ERICH6: variants seen among roughly 807,000 people sequenced by gnomAD.
The protein encoded by ERICH6 is glutamate-rich protein 6.
ERICH6 carries 71 observed loss-of-function variants against 71.0 expected under a neutral mutation model. The ratio of observed to expected loss-of-function variants is 1.00; its 90% CI spans 0.83 to 1.22. ERICH6 has a LOEUF of 1.22. ERICH6 is among the 50% of genes most tolerant of loss of function. ERICH6 has a pLI of 0.00. For missense variants in ERICH6, 808 were observed against 797.2 expected (o/e 1.01, Z -0.16); for synonymous variants, 262 against 278.4 (o/e 0.94, Z 0.59).
intron 7 of ERICH6, among the ~76,000 whole-genome samples, chr3:150,681,471 A>G (rs924113200): frequency 6.6e-6 from 1 of 152,142 alleles, no homozygotes; most frequent in Non-Finnish European, 1.5e-5. Flanking sequence ...GGTTGTTTCT[A>G]TATTTTGGCT....
Position 150,682,252 on chromosome 3 carries a change from G to A in ERICH6, c.848C>T (p.Ser283Phe). 1 of 1,613,772 alleles carries A rather than the reference G, an allele frequency of 6.2e-7. No individual in the cohort carries two copies. The highest frequency in any genetic ancestry group is 8.5e-7 in the Non-Finnish European group (1 of 1,179,972). The stretch of plus-strand genomic sequence containing the variant: ...TGGTTCAGAGGAAACATCCACATTA[G>A]AAAAAAATGCTCTTAGATCGCTGCC... The part of the protein sequence containing the change: ...FCGSDLRAFF[S>F]NVDVSSEPKG... Residue 283 changes from serine (S) to phenylalanine (F), a missense_variant, in exon 7 of 14, where the codon TCT becomes TTT. This residue lies in a region of ERICH6 where 736 missense variants were observed against 712.2 expected (regional missense o/e 1.03). Coordinates refer to ENST00000295910, the MANE Select transcript of ERICH6 (RefSeq NM_152394.5).
Position 150,680,918 on chromosome 3 carries a change from T to A in ERICH6, c.895A>T (p.Ile299Phe), listed in dbSNP as rs758713173. Residue 299 changes from isoleucine (I) to phenylalanine (F), a missense_variant, in exon 8 of 14, where the codon ATT (isoleucine) becomes TTT (phenylalanine). Ile to Phe is a conservative substitution (Grantham distance 21). Transcript: ENST00000295910. ...SEPKGHASCC[I>F]AFQNLIDYIY... is the part of the protein sequence containing the mutation. ...TAGTCAATCAGATTTTGGAAAGCAA[T>A]ACAACAGGAGGCCTGGAAAACACAG... 4 of 1,610,850 alleles carry A rather than the reference T, an allele frequency of 2.5e-6. No homozygotes were observed. Among genetic ancestry groups the A allele is most frequent in the Non-Finnish European group, 3.4e-6 (4 of 1,178,810 alleles).
At position 150,660,122 on chromosome 3, in the gene ERICH6, A is replaced by G. The variant is rs1445975990; in HGVS notation, c.1762T>C (p.Tyr588His). ...PNPEEIPILRYVSGDDLLLLA... is the reference protein window; with the variant it reads ...PNPEEIPILRHVSGDDLLLLA... ...AGAAGAAGGTCATCTCCACTTACGT[A>G]TCGGAGGATTGGAATCTCCTCAGGG... Residue 588 changes from tyrosine (Y) to histidine (H), a missense_variant, in exon 14 of 14, where the codon TAC becomes CAC. Coordinates refer to ENST00000295910, the MANE Select transcript of ERICH6 (RefSeq NM_152394.5). The G allele has an allele frequency of 1.9e-6, 3 of 1,613,918 alleles. No individual in the cohort carries two copies. Among genetic ancestry groups the G allele is most frequent in the Non-Finnish European group, 2.5e-6 (3 of 1,179,964 alleles).
Position 150,660,001 on chromosome 3 carries a change from G to T in ERICH6, c.1883C>A (p.Pro628His). ...SSQVWEKLKQ[P>H]SYLSSLSLKL... is the part of the protein sequence containing the mutation. The stretch of plus-strand genomic sequence containing the variant: ...TAGAGAAAGTGAAGAAAGGTAGGAA[G>T]GTTGCTTTAATTTTTCCCAAACCTG... The change falls in exon 14 of 14, where the codon CCT (proline) becomes CAT (histidine). Residue 628 changes from proline (P) to histidine (H), a missense_variant. Pro to His is a moderately conservative substitution (Grantham distance 77, BLOSUM62 -2). Transcript: ENST00000295910. 1.2e-6 allele frequency: 2 copies of T among 1,614,148 alleles called. No individual in the cohort carries two copies. The highest frequency in any genetic ancestry group is 1.7e-6 in the Non-Finnish European group (2 of 1,180,034).
At chr3:150,679,019 G>A (rs867817626) in intron 9 of ERICH6, among the ~76,000 whole-genome samples, 1 of 120,204 alleles carries the variant, frequency 8.3e-6, no homozygotes, top group Non-Finnish European at 1.6e-5. Context: ...CTGGGTGACA[G>A]AGCAAGACTC....
rs369200921 is a variant in ERICH6, at chr3:150,698,926, T to C, written c.462-44A>G. ...TGTTTTGAGTATACCTATATAGTTG[T>C]TAGCAGGTCTTCTAAACATCGAACA... On this transcript the variant is annotated intron_variant, in intron 2 of 13. Transcript: ENST00000295910. 1.1e-5 allele frequency: 14 copies of C among 1,228,482 alleles called. No individual in the cohort carries two copies. The African/African-American group carries it at 1.5e-4, about 13-fold the overall frequency. 76.1% of individuals were successfully genotyped at this position (1,228,482 alleles called of 1,614,324 possible). A position where few individuals can be genotyped will look rare whatever the true frequency, so the allele number is the denominator to read the frequency against.
At chr3:150,663,661 A>G (rs1308964280) in intron 13 of ERICH6, among the ~76,000 whole-genome samples, 1 of 152,142 alleles carries the variant, frequency 6.6e-6, no homozygotes, top group Non-Finnish European at 1.5e-5. Flanking sequence ...CGACTTTCAT[A>G]GAGATCGGGT....
At chr3:150,692,695 T>A (rs1373067393) in intron 3 of ERICH6, among the ~76,000 whole-genome samples, 1 of 152,180 alleles carries the variant, frequency 6.6e-6, no homozygotes, top group Non-Finnish European at 1.5e-5. Context: ...ATAATTATAA[T>A]TATGTTAAAT....
chr3:150,686,091 T>C (rs550749401), intron 4 of ERICH6, 70 bp from the exon 5 acceptor site: 1 of 1,339,078 alleles, frequency 7.5e-7, no homozygotes, highest in Non-Finnish European at 1.1e-6. Flanking sequence ...TTCTGTAATT[T>C]GGAGATTCAC....
chr3:150,683,110 C>A (rs1712037325), intron 6 of ERICH6, among the ~76,000 whole-genome samples: 1 of 152,164 alleles, frequency 6.6e-6, no homozygotes, highest in African/African-American at 2.4e-5. Context: ...GCCATGGTAA[C>A]CATTCTCTGA....
chr3:150,659,955 G>A lies in ERICH6; in HGVS notation c.1929C>T (p.His643=). 1 of 1,613,784 alleles carries A rather than the reference G, an allele frequency of 6.2e-7. No homozygotes were observed. Among genetic ancestry groups the A allele is most frequent in the Non-Finnish European group, 8.5e-7 (1 of 1,179,730 alleles). ...SLSLKLIALC[H]SSGIKQDIMK... is the part of the protein sequence containing the mutation. ...TTATATCTTGCTTTATACCAGAACT[G>A]TGACAAAGGGCAATTAGTTTTAGAG... The change falls in exon 14 of 14, where the codon CAC becomes CAT. Residue 643 remains histidine (H), a synonymous_variant. Transcript: ENST00000295910.
chr3:150,673,677 C>T (rs1264909169), intron 11 of ERICH6, among the ~76,000 whole-genome samples: 4 of 152,192 alleles, frequency 2.6e-5, no homozygotes, highest in Non-Finnish European at 4.4e-5. Context: ...CAGCCTCTAC[C>T]TCCTGAGCCC....
At chr3:150,669,714 G>T (rs1290245297) in intron 11 of ERICH6, among the ~76,000 whole-genome samples, 7 of 152,164 alleles carry the variant, frequency 4.6e-5, no homozygotes, top group African/African-American at 1.7e-4. Flanking sequence ...CCCCAGATAT[G>T]CAAGGTTGGT....
chr3:150,673,731 G>A (rs1045791484), intron 11 of ERICH6, among the ~76,000 whole-genome samples: 1 of 152,060 alleles, frequency 6.6e-6, no homozygotes, highest in Non-Finnish European at 1.5e-5. Context: ...TGAGACTACA[G>A]GCATGTGCCA....
In ERICH6 at chr3:150,680,501, T is replaced by C. The variant is rs755408766; in HGVS notation, c.1078A>G (p.Ile360Val). Residue 360 changes from isoleucine (I) to valine (V), a missense_variant, in exon 9 of 14, where the codon ATA becomes GTA. Physicochemically the swap from Ile to Val is conservative, Grantham distance 29. Coordinates refer to ENST00000295910, the MANE Select transcript of ERICH6 (RefSeq NM_152394.5). ...GAGAAATGAGTCTGTTCCCTTGATA[T>C]TATTGCAAAATGTCTGGCCATTCGT... ...EQRMARHFAI[I>V]SREQTHFSED... The C allele has an allele frequency of 3.1e-5, 50 of 1,614,096 alleles. No homozygotes were observed. In the East Asian group the frequency reaches 1.0e-3, roughly 33 times the overall value.
chr3:150,670,527 A>G (rs1433873575), intron 11 of ERICH6, among the ~76,000 whole-genome samples: 1 of 150,600 alleles, frequency 6.6e-6, no homozygotes, highest in Non-Finnish European at 1.5e-5. Flanking sequence ...AGTTTAGGGA[A>G]AAAAAAAAGG....
intron 8 of ERICH6, 68 bp from the exon 9 acceptor site, chr3:150,680,606 A>G (rs1711870167): frequency 1.3e-6 from 2 of 1,591,462 alleles, no homozygotes; most frequent in Admixed American, 3.3e-5. Context: ...TCTACTACAA[A>G]ATTCAGCTGC....
intron 11 of ERICH6, among the ~76,000 whole-genome samples, chr3:150,673,338 A>G (rs1298843812): frequency 1.3e-5 from 2 of 151,340 alleles, no homozygotes; most frequent in Non-Finnish European, 2.9e-5. Context: ...CAAGGTGTGT[A>G]CCACCACACC....
intron 13 of ERICH6, among the ~76,000 whole-genome samples, chr3:150,665,128 G>T (rs191768405): frequency 2.6e-5 from 4 of 152,244 alleles, no homozygotes; most frequent in Non-Finnish European, 1.5e-5. Flanking sequence ...AACCAAGAAA[G>T]AAGTTTGTCT....
Sources: allele counts gnomAD v4.1 joint callset (sites outside exome capture counted in the v4.1 genomes callset), GRCh38; gene constraint gnomAD v4.1.1; regional missense constraint gnomAD v4.1.1; transcripts MANE v1.5; gene names NCBI Gene and HGNC (gene_info 2026-07-23, HGNC 2026-07-21).